SULF2: variants seen among roughly 807,000 people sequenced by gnomAD.
SULF2 encodes the protein sulfatase 2, also known as extracellular sulfatase Sulf-2.
In SULF2, 52 loss-of-function variants were observed where a neutral mutation model predicts 107.7. The observed-to-expected ratio is 0.48, with a 90% CI of 0.39 to 0.61. The LOEUF is 0.61. Among genes scored for constraint, SULF2 ranks in the 20% least tolerant of loss-of-function variants. The pLI is 0.00. For missense variants in SULF2, 993 were observed against 1,177.3 expected (o/e 0.84, Z 2.29); for synonymous variants, 460 against 464.3 (o/e 0.99, Z 0.12).
intron 11 of SULF2, among the ~76,000 whole-genome samples, chr20:47,668,500 G>A (rs2087350919): frequency 6.6e-6 from 1 of 152,226 alleles, no homozygotes; most frequent in Admixed American, 6.5e-5. Flanking sequence ...CACACCAACA[G>A]GGAATGGGAC....
intron 10 of SULF2, among the ~76,000 whole-genome samples, chr20:47,674,493 C>T (rs987158692): frequency 1.3e-5 from 2 of 152,190 alleles, no homozygotes; most frequent in African/African-American, 2.4e-5. Flanking sequence ...ACGTGTTGCC[C>T]GTGATGATCA....
intron 1 of SULF2, among the ~76,000 whole-genome samples, chr20:47,759,981 AATAG>A (rs1247273967): frequency 6.6e-6 from 1 of 152,184 alleles, no homozygotes; most frequent in African/African-American, 2.4e-5. Context: ...GGCACAAAGA[AATAG>A]ATAAATAAAG....
intron 3 of SULF2, among the ~76,000 whole-genome samples, chr20:47,704,341 C>T (rs1264445803): frequency 6.6e-6 from 1 of 152,014 alleles, no homozygotes; most frequent in Non-Finnish European, 1.5e-5. Flanking sequence ...GGCACCATCA[C>T]GGCTCACTGC....
chr20:47,716,043 G>C (rs2146671474), intron 3 of SULF2, among the ~76,000 whole-genome samples: 1 of 152,260 alleles, frequency 6.6e-6, no homozygotes, highest in South Asian at 2.1e-4. Flanking sequence ...TTGTGGATGT[G>C]CTTTATAAAA....
At chr20:47,725,138 G>C (rs2089404436) in intron 3 of SULF2, among the ~76,000 whole-genome samples, 1 of 152,200 alleles carries the variant, frequency 6.6e-6, no homozygotes, top group Non-Finnish European at 1.5e-5. Context: ...CAGCTGGGTG[G>C]GCGGGCGACA....
At chr20:47,664,039 T>C in intron 15 of SULF2, 91 bp downstream of exon 15, 2 of 1,400,366 alleles carry the variant, frequency 1.4e-6, no homozygotes, top group Admixed American at 1.9e-5. Context: ...CCTGGACTTC[T>C]TTCCTTTTCT....
At position 47,661,757 on chromosome 20, in the gene SULF2, TG is replaced by T. The variant is rs1164598161; in HGVS notation, c.2494+15del. 6.6e-7 allele frequency: 1 copy of T among 1,522,352 alleles called. No homozygotes were observed. Among genetic ancestry groups the T allele is most frequent in the Non-Finnish European group, 8.9e-7 (1 of 1,119,790 alleles). The allele number at this position is 1,522,352 out of a possible 1,614,324, so 94.3% of individuals were successfully genotyped here. ...ACCCTGCTGTCCAAGGGCCCCACGT[TG>T]GGGTGCCTACTCACCCAGGTCCATG... On this transcript the variant is annotated intron_variant, in intron 18 of 20. Coordinates refer to ENST00000688720, the MANE Select transcript of SULF2 (RefSeq NM_001387048.1).
Position 47,678,518 on chromosome 20 carries a change from T to TTCTCTCCCACGGGGACCATGCG in SULF2, c.1193+157_1193+158insCGCATGGTCCCCGTGGGAGAGA. On this transcript the variant is annotated intron_variant, in intron 8 of 20. Coordinates refer to ENST00000688720, the MANE Select transcript of SULF2 (RefSeq NM_001387048.1). The surrounding 1 kb of genome is among the most constrained non-coding windows in gnomAD (Gnocchi z 4.5). ...CAGAATCTCGGAGAGGGGACCATGC[T>TTCTCTCCCACGGGGACCATGCG]TCTCTCCCACAGCAGGTAAGTGGTT... 1 of 936,446 alleles carries TTCTCTCCCACGGGGACCATGCG rather than the reference T, an allele frequency of 1.1e-6. No homozygotes were observed. The highest frequency in any genetic ancestry group is 1.6e-6 in the Non-Finnish European group (1 of 621,600). 58.0% of individuals were successfully genotyped at this position (936,446 alleles called of 1,614,324 possible).
At chr20:47,737,941 G>A (rs116980228) in intron 2 of SULF2, among the ~76,000 whole-genome samples, 1,800 of 151,668 alleles carry the variant, frequency 0.012, 14 homozygotes, top group Non-Finnish European at 0.019. Flanking sequence ...ATGACGTTTC[G>A]CCATGTTGGC....
chr20:47,744,853 C>T (rs1385922568), intron 2 of SULF2, among the ~76,000 whole-genome samples: 2 of 152,156 alleles, frequency 1.3e-5, no homozygotes, highest in East Asian at 1.9e-4. Flanking sequence ...CACCCCTCTC[C>T]AGGCCGCGTC....
intron 5 of SULF2, 100 bp downstream of exon 5, chr20:47,690,026 G>T: frequency 8.7e-7 from 1 of 1,153,496 alleles, no homozygotes; most frequent in Non-Finnish European, 1.1e-6. Context: ...TTAGAGAGGA[G>T]GCACAGTGAA....
rs541234193 is a variant in SULF2, at chr20:47,678,867, G to A, written c.1065-63C>T. On this transcript the variant is annotated intron_variant, in intron 7 of 20. Coordinates refer to ENST00000688720, the MANE Select transcript of SULF2 (RefSeq NM_001387048.1). The surrounding 1 kb of genome is among the most constrained non-coding windows in gnomAD (Gnocchi z 4.5). ...GTGGTGGTGCCTCAGCCTCGCGTGG[G>A]GGGTGGGGAGCGGTAGGTGGGCAGC... 6.8e-6 allele frequency: 10 copies of A among 1,480,434 alleles called. No individual in the cohort carries two copies. Among genetic ancestry groups the A allele is most frequent in the Middle Eastern group, 1.8e-4 (1 of 5,432 alleles). The allele number at this position is 1,480,434 out of a possible 1,614,324, so 91.7% of individuals were successfully genotyped here. A position where few individuals can be genotyped will look rare whatever the true frequency, so the allele number is the denominator to read the frequency against.
intron 3 of SULF2, among the ~76,000 whole-genome samples, chr20:47,730,192 G>A (rs567953544): frequency 4.1e-4 from 63 of 152,296 alleles, no homozygotes; most frequent in African/African-American, 1.3e-3. Context: ...GGCTCCAACT[G>A]AGAGCCCTGG....
intron 2 of SULF2, among the ~76,000 whole-genome samples, chr20:47,743,995 C>G (rs183361441): frequency 6.6e-6 from 1 of 152,108 alleles, no homozygotes; most frequent in Non-Finnish European, 1.5e-5. Context: ...TTCCTTCTTG[C>G]CTTTTGCTGC....
At chr20:47,697,309 C>A (rs1236049551) in intron 4 of SULF2, among the ~76,000 whole-genome samples, 1 of 152,214 alleles carries the variant, frequency 6.6e-6, no homozygotes, top group Non-Finnish European at 1.5e-5. Flanking sequence ...TGGCATGTGC[C>A]CATCTGTGGA....
chr20:47,768,464 A>C (rs2146957600), intron 1 of SULF2, among the ~76,000 whole-genome samples: 1 of 152,234 alleles, frequency 6.6e-6, no homozygotes, highest in East Asian at 1.9e-4. Context: ...CTTGCAACCA[A>C]ATGAACCCAA....
At chr20:47,740,879 T>A (rs2089862375) in intron 2 of SULF2, among the ~76,000 whole-genome samples, 1 of 152,076 alleles carries the variant, frequency 6.6e-6, no homozygotes, top group Non-Finnish European at 1.5e-5. Context: ...CAAGCCCTGA[T>A]GTCACCGTCC....
intron 18 of SULF2, 146 bp downstream of exon 18, chr20:47,661,627 C>T: frequency 1.3e-6 from 1 of 764,102 alleles, no homozygotes; most frequent in Non-Finnish European, 1.9e-6. Context: ...CTGCTATGGA[C>T]AGGGGCTCCC....
At chr20:47,713,057 G>C (rs1022061152) in intron 3 of SULF2, among the ~76,000 whole-genome samples, 4 of 152,052 alleles carry the variant, frequency 2.6e-5, no homozygotes, top group Non-Finnish European at 5.9e-5. Context: ...AGGGGTGGGG[G>C]GAGAAAAAGA....
Sources: gnomAD v4.1 joint callset for allele counts (sites outside exome capture counted in the v4.1 genomes callset) on GRCh38, gnomAD v4.1.1 for gene constraint, Gnocchi (gnomAD v3.1) non-coding constraint, MANE v1.5 for transcripts, NCBI Gene and HGNC (gene_info 2026-07-23, HGNC 2026-07-21) for gene names.